NSD3: variants seen among roughly 807,000 people sequenced by gnomAD.
NSD3 encodes the protein nuclear receptor binding SET domain protein 3.
Under a neutral mutation model 160.8 loss-of-function variants are expected in NSD3, and 24 were observed. The ratio of observed to expected loss-of-function variants is 0.15; its 90% CI spans 0.11 to 0.21. The LOEUF (loss-of-function observed/expected upper bound fraction) is 0.21. Ranked by LOEUF, NSD3 falls within the 10% of genes least tolerant of loss-of-function variation. The probability of loss-of-function intolerance (pLI) is 1.00; values close to 1 mark genes in which losing one functional copy is unlikely to be tolerated. For missense variants in NSD3, 1,157 were observed against 1,735.9 expected, an observed-to-expected ratio of 0.67 and a Z score of 5.93; for synonymous variants, 520 against 600.0, an observed-to-expected ratio of 0.87 and a Z score of 1.95.
At position 38,295,847 on chromosome 8, in the gene NSD3, C is replaced by A. The variant is rs758904624; in HGVS notation, c.2864G>T (p.Gly955Val). Residue 955 changes from glycine (G) to valine (V), a missense_variant, in exon 16 of 24, where the codon GGC becomes GTC. Physicochemically the swap from Gly to Val is moderately radical, Grantham distance 109. Transcript: ENST00000317025. ...GCWNCNDCKAGKKLHYKQIVW... is the reference protein window; with the variant it reads ...GCWNCNDCKAVKKLHYKQIVW... Reference sequence around the variant, plus strand: ...AATCTGCTTGTAATGTAGTTTCTTGCCAGCTTTACAGTCATTACAATTCCA... The same window carrying A: ...AATCTGCTTGTAATGTAGTTTCTTGACAGCTTTACAGTCATTACAATTCCA... 1.2e-6 allele frequency: 2 copies of A among 1,613,798 alleles called. No homozygotes were observed. The highest frequency in any genetic ancestry group is 1.1e-5 in the South Asian group (1 of 90,950).
chr8:38,339,263 T>C (rs1810301871), intron 2 of NSD3, among the ~76,000 whole-genome samples: 1 of 152,196 alleles, frequency 6.6e-6, no homozygotes, highest in Non-Finnish European at 1.5e-5. Flanking sequence ...ACTTGAAACT[T>C]TTCTGAGAGC....
chr8:38,345,972 G>A (rs1810513110), intron 2 of NSD3, among the ~76,000 whole-genome samples: 1 of 151,848 alleles, frequency 6.6e-6, no homozygotes, highest in South Asian at 2.1e-4. Context: ...GTTAACTGAA[G>A]GTTTAGGTGA....
At chr8:38,378,021 A>T (rs1366711400) in intron 1 of NSD3, among the ~76,000 whole-genome samples, 1 of 152,242 alleles carries the variant, frequency 6.6e-6, no homozygotes, top group African/African-American at 2.4e-5. Flanking sequence ...ACATGCATAG[A>T]AGTTTTCCAG....
intron 1 of NSD3, among the ~76,000 whole-genome samples, chr8:38,350,356 T>C (rs1810659013): frequency 2.0e-5 from 3 of 152,226 alleles, no homozygotes; most frequent in Admixed American, 2.0e-4. Context: ...TGTTGTTTCC[T>C]GACTTTTTAA....
Position 38,277,185 on chromosome 8 carries a change from G to A in NSD3, c.3868-685C>T, listed in dbSNP as rs998871498. On this transcript the variant is annotated intron_variant, in intron 22 of 23. Transcript: ENST00000317025. ...TTGAACTCCTGAGCTCAGGCAATCC[G>A]CCTGCCTTGGCCTCCCAAAGAGCTA... Among the ~76,000 whole-genome samples, 6 of 152,280 alleles carry A rather than the reference G, an allele frequency of 3.9e-5. No individual in the cohort carries two copies. In the East Asian group the frequency reaches 7.7e-4, roughly 20 times the overall value.
At chr8:38,356,119 A>G (rs975989312) in intron 1 of NSD3, among the ~76,000 whole-genome samples, 5 of 152,242 alleles carry the variant, frequency 3.3e-5, no homozygotes, top group African/African-American at 1.2e-4. Context: ...TATCCATTCT[A>G]ATATGTACTT....
At chr8:38,277,217 C>T (rs547636559) in intron 22 of NSD3, among the ~76,000 whole-genome samples, 2 of 152,342 alleles carry the variant, frequency 1.3e-5, no homozygotes, top group East Asian at 3.9e-4. Context: ...GCTAGGATTA[C>T]AGGCATGAGC....
chr8:38,362,943 A>G (rs1489929677), intron 1 of NSD3, among the ~76,000 whole-genome samples: 1 of 152,174 alleles, frequency 6.6e-6, no homozygotes, highest in Non-Finnish European at 1.5e-5. Flanking sequence ...CATAAAATCA[A>G]TTTATTTTGG....
intron 1 of NSD3, among the ~76,000 whole-genome samples, chr8:38,360,709 T>A (rs1007287853): frequency 1.3e-5 from 2 of 152,236 alleles, no homozygotes; most frequent in African/African-American, 4.8e-5. Flanking sequence ...GAAAGAACTC[T>A]AAGCTGCTGA....
At chr8:38,372,064 T>C (rs1811255594) in intron 1 of NSD3, among the ~76,000 whole-genome samples, 1 of 152,246 alleles carries the variant, frequency 6.6e-6, no homozygotes, top group Non-Finnish European at 1.5e-5. Flanking sequence ...CACTGATTAC[T>C]TCTCAGGTTA....
In NSD3 at chr8:38,278,423, G is replaced by A. The variant is rs1808662539; in HGVS notation, c.3761-11C>T. On this transcript the variant is annotated splice_polypyrimidine_tract_variant and intron_variant, in intron 21 of 23. Coordinates refer to ENST00000317025, the MANE Select transcript of NSD3 (RefSeq NM_023034.2). The stretch of plus-strand genomic sequence containing the variant: ...ATGTTAACTCCATCCCTGAAACACA[G>A]GAGAAATAATTATTCAAACTCGAGT... 1.9e-6 allele frequency: 3 copies of A among 1,602,370 alleles called. No individual in the cohort carries two copies. In the South Asian group the frequency reaches 3.4e-5, roughly 18 times the overall value.
In NSD3 at chr8:38,331,536, C is replaced by T. The variant is rs748971560; in HGVS notation, c.960G>A (p.Ala320=). The change falls in exon 5 of 24, where the codon GCG becomes GCA. Residue 320 remains alanine (A), a synonymous_variant. Transcript: ENST00000317025. ...CTCGTACCCGTTTTTCATGAACCCA[C>T]GCCCTCTCTGGCTGGTTGCTAAAAA... is the stretch of plus-strand genomic sequence containing the variant. ...VQFFSNQPER[A]WVHEKRVREY... is the part of the protein sequence containing the mutation. The T allele has an allele frequency of 2.4e-5, 39 of 1,613,774 alleles. No individual in the cohort carries two copies. The highest frequency in any genetic ancestry group is 3.1e-5 in the Non-Finnish European group (37 of 1,179,904).
rs761121294 is a variant in NSD3 at position 38,275,633 on chromosome 8, C to G, written c.*8G>C. ...TCACTTAAATAGAAAGGAGGGGACA[C>G]CACACATTTATTCTTTTACTTCTTC... On this transcript the variant is annotated 3_prime_UTR_variant, in exon 24 of 24. Transcript: ENST00000317025. 1 of 1,611,026 alleles carries G rather than the reference C, an allele frequency of 6.2e-7. No homozygotes were observed. Among genetic ancestry groups the G allele is most frequent in the Admixed American group, 1.7e-5 (1 of 59,784 alleles).
At chr8:38,343,312 T>G (rs1810425641) in intron 2 of NSD3, among the ~76,000 whole-genome samples, 1 of 152,008 alleles carries the variant, frequency 6.6e-6, no homozygotes, top group Non-Finnish European at 1.5e-5. Context: ...AACAAAAAAC[T>G]GATGTCAACA....
At chr8:38,320,939 A>G in intron 8 of NSD3, 133 bp downstream of exon 8, 1 of 744,148 alleles carries the variant, frequency 1.3e-6, no homozygotes, top group Non-Finnish European at 2.2e-6. Flanking sequence ...GGAACCCACC[A>G]GGACAGAAGC....
intron 12 of NSD3, among the ~76,000 whole-genome samples, chr8:38,307,983 G>A (rs570155427): frequency 6.6e-6 from 1 of 152,144 alleles, no homozygotes; most frequent in African/African-American, 2.4e-5. Context: ...GATACAGAAA[G>A]AAATGTTTAA....
chr8:38,337,043 C>A (rs11989357), intron 4 of NSD3, among the ~76,000 whole-genome samples: 4 of 150,830 alleles, frequency 2.7e-5, no homozygotes, highest in Non-Finnish European at 5.9e-5. Context: ...TCCAGAGGCC[C>A]AGGCAGGAGA....
At chr8:38,312,364 A>G (rs1343531634) in intron 12 of NSD3, among the ~76,000 whole-genome samples, 1 of 152,204 alleles carries the variant, frequency 6.6e-6, no homozygotes, top group Non-Finnish European at 1.5e-5. Flanking sequence ...AAATACACCT[A>G]GCCTCTGTTG....
At chr8:38,362,264 G>A (rs1317173759) in intron 1 of NSD3, among the ~76,000 whole-genome samples, 1 of 53,622 alleles carries the variant, frequency 1.9e-5, no homozygotes, top group African/African-American at 5.4e-5. Flanking sequence ...GGCGGGGGGG[G>A]GGGGGGGGGC....
Sources: allele counts gnomAD v4.1 joint callset (sites outside exome capture counted in the v4.1 genomes callset), GRCh38; gene constraint gnomAD v4.1.1; transcripts MANE v1.5; gene names NCBI Gene and HGNC (gene_info 2026-07-23, HGNC 2026-07-21).